Variants in ANO2 observed in about 807,000 individuals in gnomAD.
The protein encoded by ANO2 is anoctamin 2, also known as anoctamin-2.
ANO2 carries 101 observed loss-of-function variants against 124.2 expected under a neutral mutation model. The observed-to-expected ratio is 0.81, with a 90% CI of 0.69 to 0.96. The LOEUF (loss-of-function observed/expected upper bound fraction) is 0.96, where lower values mean the gene tolerates loss of function less well. Ranked by LOEUF, ANO2 falls within the 40% of genes least tolerant of loss-of-function variation. ANO2 has a pLI of 0.00. For missense variants in ANO2, 1,293 were observed against 1,274.5 expected (o/e 1.01, Z -0.22); for synonymous variants, 486 against 482.5 (o/e 1.01, Z -0.09).
intron 3 of ANO2, among the ~76,000 whole-genome samples, chr12:5,905,866 A>G (rs888704724): frequency 6.6e-6 from 1 of 152,156 alleles, no homozygotes; most frequent in African/African-American, 2.4e-5. Flanking sequence ...ACTGGACCAG[A>G]TGACAGCCTG....
rs17787933 is a variant in ANO2 at position 5,671,880 on chromosome 12, G to A, written c.1546-24079C>T. On this transcript the variant is annotated intron_variant, in intron 14 of 24. Coordinates refer to ENST00000682330, the MANE Select transcript of ANO2 (RefSeq NM_001364791.2). ...CCTTCCCATGTGTTAACTTTTCCTT[G>A]AGCTCTTGCAGCAACACATTGCTTG... 7.7e-3 allele frequency among the ~76,000 whole-genome samples: 1,175 copies of A among 152,184 alleles called. 51 individuals are homozygous for A. The highest frequency in any genetic ancestry group is 0.06 in the Admixed American group (917 of 15,288).
chr12:5,664,347 CCATCCATCCAGG>C (rs1947597388), intron 14 of ANO2, among the ~76,000 whole-genome samples: 1 of 152,166 alleles, frequency 6.6e-6, no homozygotes, highest in Admixed American at 6.5e-5. Context: ...ACCCATCTAA[CCATCCATCCAGG>C]CATCCATCCA....
chr12:5,887,840 T>G (rs28733989), intron 3 of ANO2, among the ~76,000 whole-genome samples: 1 of 141,028 alleles, frequency 7.1e-6, no homozygotes, highest in African/African-American at 2.7e-5. Flanking sequence ...TTTTTTTTTC[T>G]TTTTTTTTTT....
intron 14 of ANO2, among the ~76,000 whole-genome samples, chr12:5,651,146 G>A (rs147253315): frequency 1.7e-3 from 264 of 152,334 alleles, no homozygotes; most frequent in Middle Eastern, 6.8e-3. Context: ...TAATGCAATC[G>A]TTGTTAAGAC....
chr12:5,630,364 G>A (rs1342753573), intron 16 of ANO2, among the ~76,000 whole-genome samples: 5 of 152,182 alleles, frequency 3.3e-5, no homozygotes, highest in Non-Finnish European at 7.3e-5. Flanking sequence ...CCCTGTAACC[G>A]TATCTCTGCC....
intron 23 of ANO2, 37 bp from the exon 24 acceptor site, chr12:5,565,700 G>C: frequency 6.6e-7 from 1 of 1,508,864 alleles, no homozygotes; most frequent in Non-Finnish European, 9.0e-7. Flanking sequence ...GATCAGGAGC[G>C]CATGGAGAAA....
intron 3 of ANO2, among the ~76,000 whole-genome samples, chr12:5,914,583 G>A (rs574924865): frequency 4.8e-4 from 73 of 152,268 alleles, no homozygotes; most frequent in African/African-American, 1.6e-3. Context: ...GGCGATGCCA[G>A]GCCACGCTGA....
intron 3 of ANO2, among the ~76,000 whole-genome samples, chr12:5,877,896 A>AG (rs1190986010): frequency 1.2e-4 from 18 of 152,370 alleles, no homozygotes; most frequent in African/African-American, 4.3e-4. Flanking sequence ...GGTGGAGCTC[A>AG]GGCAGTAATG....
At chr12:5,742,617 G>A (rs551756691) in intron 12 of ANO2, among the ~76,000 whole-genome samples, 46 of 152,234 alleles carry the variant, frequency 3.0e-4, no homozygotes, top group African/African-American at 1.0e-3. Context: ...CTACAACAGG[G>A]GATTATGTGT....
chr12:5,829,201 C>T (rs1319708392), intron 6 of ANO2, among the ~76,000 whole-genome samples: 1 of 152,140 alleles, frequency 6.6e-6, no homozygotes, highest in Admixed American at 6.5e-5. Flanking sequence ...ACTTATATGG[C>T]ATTGTATTAT....
intron 14 of ANO2, among the ~76,000 whole-genome samples, chr12:5,716,116 T>C (rs1292006794): frequency 6.6e-6 from 1 of 152,252 alleles, no homozygotes; most frequent in Non-Finnish European, 1.5e-5. Flanking sequence ...GCTGATTTAC[T>C]TTTCTTCTTT....
At chr12:5,825,690 A>AGG (rs1953933155) in intron 7 of ANO2, among the ~76,000 whole-genome samples, 1 of 152,206 alleles carries the variant, frequency 6.6e-6, no homozygotes, top group Non-Finnish European at 1.5e-5. Context: ...ATCAAGATGA[A>AGG]ATCAGTCTAC....
intron 20 of ANO2, among the ~76,000 whole-genome samples, chr12:5,591,930 G>A (rs1028735712): frequency 6.6e-6 from 1 of 152,178 alleles, no homozygotes; most frequent in Non-Finnish European, 1.5e-5. Flanking sequence ...TGAGGTCAGA[G>A]CCAAGTCTGA....
chr12:5,728,886 G>C (rs1261417341), intron 14 of ANO2, among the ~76,000 whole-genome samples: 1 of 152,188 alleles, frequency 6.6e-6, no homozygotes, highest in Non-Finnish European at 1.5e-5. Flanking sequence ...AATTCAGTGA[G>C]GAAACAGTCT....
intron 4 of ANO2, among the ~76,000 whole-genome samples, chr12:5,841,760 C>T (rs1002361323): frequency 3.3e-5 from 5 of 152,328 alleles, no homozygotes; most frequent in East Asian, 3.9e-4. Flanking sequence ...GCTTAAATGG[C>T]GTCTTCTCTT....
intron 20 of ANO2, among the ~76,000 whole-genome samples, chr12:5,589,174 ATCTTC>A (rs562252144): frequency 1.3e-5 from 2 of 152,312 alleles, no homozygotes; most frequent in African/African-American, 4.8e-5. Flanking sequence ...TGTGAACTTC[ATCTTC>A]TCTCCCACCA....
chr12:5,671,499 G>A (rs1272151487), intron 14 of ANO2, among the ~76,000 whole-genome samples: 1 of 151,672 alleles, frequency 6.6e-6, no homozygotes, highest in Non-Finnish European at 1.5e-5. Context: ...TGTGGGGGGT[G>A]GCGGGGGGGA....
intron 14 of ANO2, among the ~76,000 whole-genome samples, chr12:5,731,848 T>C (rs1017235881): frequency 3.3e-5 from 5 of 152,190 alleles, no homozygotes; most frequent in East Asian, 1.9e-4. Context: ...GTAAGGAACA[T>C]TGCACAAGTA....
intron 7 of ANO2, among the ~76,000 whole-genome samples, chr12:5,807,895 G>A (rs998984355): frequency 2.6e-5 from 4 of 152,202 alleles, no homozygotes; most frequent in African/African-American, 9.7e-5. Flanking sequence ...GGAGCCCTGG[G>A]AGTCCTCATG....
Sources: gnomAD v4.1 joint callset for allele counts (sites outside exome capture counted in the v4.1 genomes callset) on GRCh38, gnomAD v4.1.1 for gene constraint, MANE v1.5 for transcripts, NCBI Gene and HGNC (gene_info 2026-07-23, HGNC 2026-07-21) for gene names.